The following NRG3 variants were observed in gnomAD, a reference collection of about 807,000 sequenced individuals.
NRG3 encodes neuregulin 3.
Under a neutral mutation model 66.9 loss-of-function variants are expected in NRG3, and 31 were observed. The ratio of observed to expected loss-of-function variants is 0.46; its 90% CI spans 0.35 to 0.63. The LOEUF (loss-of-function observed/expected upper bound fraction) is 0.63, where lower values mean the gene tolerates loss of function less well. Among genes scored for constraint, NRG3 ranks in the 20% least tolerant of loss-of-function variants. The pLI is 0.00. For synonymous variants in NRG3, 393 were observed against 359.4 expected (o/e 1.09, Z -1.06); for missense variants, 910 against 878.9 (o/e 1.04, Z -0.45).
At chr10:82,537,068 A>G (rs1048920719) in intron 2 of NRG3, among the ~76,000 whole-genome samples, 1 of 151,944 alleles carries the variant, frequency 6.6e-6, no homozygotes, top group African/African-American at 2.4e-5. Flanking sequence ...AAATCTTCTG[A>G]GTTTCTGGTT....
intron 1 of NRG3, among the ~76,000 whole-genome samples, chr10:82,353,601 T>A (rs530812378): frequency 6.5e-4 from 99 of 152,228 alleles, no homozygotes; most frequent in African/African-American, 2.3e-3. Flanking sequence ...ATAAAAAAAA[T>A]AAGAAAACAC....
intron 1 of NRG3, among the ~76,000 whole-genome samples, chr10:82,022,180 C>T (rs573508978): frequency 2.6e-5 from 4 of 152,012 alleles, no homozygotes; most frequent in African/African-American, 7.2e-5. Context: ...CGTCAGGCCA[C>T]GGTGATTATA....
intron 2 of NRG3, among the ~76,000 whole-genome samples, chr10:82,709,860 C>CT (rs2056551654): frequency 6.6e-6 from 1 of 152,154 alleles, no homozygotes; most frequent in South Asian, 2.1e-4. Flanking sequence ...TAACTCACTG[C>CT]TTTGTTTTTC....
At chr10:82,042,530 C>T (rs1330211899) in intron 1 of NRG3, among the ~76,000 whole-genome samples, 1 of 151,828 alleles carries the variant, frequency 6.6e-6, no homozygotes, top group East Asian at 1.9e-4. Context: ...TGTATTTTTC[C>T]CCACTATTTG....
intron 1 of NRG3, among the ~76,000 whole-genome samples, chr10:82,227,453 T>C (rs1627508): frequency 0.1 from 15,183 of 152,076 alleles, 820 homozygotes; most frequent in Middle Eastern, 0.18. Flanking sequence ...TGGGTTTGAT[T>C]AAGGGAAAAA....
At chr10:82,152,861 TTC>T (rs2070875154) in intron 1 of NRG3, among the ~76,000 whole-genome samples, 1 of 151,676 alleles carries the variant, frequency 6.6e-6, no homozygotes, top group South Asian at 2.1e-4. Flanking sequence ...TTTCTTTTCT[TTC>T]TTTTTCTTTT....
chr10:82,083,205 G>A (rs2065496957), intron 1 of NRG3, among the ~76,000 whole-genome samples: 1 of 152,010 alleles, frequency 6.6e-6, no homozygotes, highest in African/African-American at 2.4e-5. Flanking sequence ...AGTCTTTGAA[G>A]AGTGTTTGGC....
chr10:82,112,294 G>A (rs935388798), intron 1 of NRG3, among the ~76,000 whole-genome samples: 4 of 151,978 alleles, frequency 2.6e-5, no homozygotes, highest in African/African-American at 4.8e-5. Context: ...TTCTGTTTTC[G>A]CTTATTATTA....
rs577213310 is a variant in NRG3, at chr10:82,676,767, C to A, written c.954-61810C>A. On this transcript the variant is annotated intron_variant, in intron 2 of 8. Coordinates refer to ENST00000372141, the MANE Select transcript of NRG3 (RefSeq NM_001010848.4). Reference sequence around the variant, plus strand: ...CAAAGTGCTGGATTACAGGCCGGAGCCATGGCGCCCAGCCTCTATTTGTTA... The same window carrying A: ...CAAAGTGCTGGATTACAGGCCGGAGACATGGCGCCCAGCCTCTATTTGTTA... 1.3e-3 allele frequency among the ~76,000 whole-genome samples: 203 copies of A among 152,226 alleles called. 1 individual carries two copies. Among genetic ancestry groups the A allele is most frequent in the African/African-American group, 4.8e-3 (200 of 41,558 alleles).
chr10:82,727,803 C>A (rs1008898841), intron 2 of NRG3, among the ~76,000 whole-genome samples: 1 of 152,140 alleles, frequency 6.6e-6, no homozygotes, highest in Non-Finnish European at 1.5e-5. Flanking sequence ...CACTCAATGG[C>A]AGCCCAAGAA....
At chr10:82,898,719 T>TC (rs1843908402) in intron 4 of NRG3, among the ~76,000 whole-genome samples, 1 of 124,222 alleles carries the variant, frequency 8.1e-6, no homozygotes, top group African/African-American at 3.3e-5. Context: ...TTTTACCTTT[T>TC]TTTTTTTTTT....
At chr10:82,306,782 T>C (rs1186879320) in intron 1 of NRG3, among the ~76,000 whole-genome samples, 16 of 151,244 alleles carry the variant, frequency 1.1e-4, no homozygotes, top group African/African-American at 3.9e-4. Context: ...TATTGCTTTT[T>C]TTGATGGGAC....
intron 4 of NRG3, among the ~76,000 whole-genome samples, chr10:82,866,576 G>A (rs1456435189): frequency 2.6e-5 from 4 of 152,062 alleles, no homozygotes; most frequent in African/African-American, 7.2e-5. Context: ...GCAGGCTTGC[G>A]GTTTTGTTGG....
intron 1 of NRG3, among the ~76,000 whole-genome samples, chr10:81,928,027 A>T (rs890773645): frequency 1.3e-5 from 2 of 152,190 alleles, no homozygotes; most frequent in Non-Finnish European, 2.9e-5. Context: ...GTTGTCACCA[A>T]ATCAATACAT....
chr10:82,313,551 C>G (rs2081142940), intron 1 of NRG3, among the ~76,000 whole-genome samples: 1 of 152,002 alleles, frequency 6.6e-6, no homozygotes, highest in Non-Finnish European at 1.5e-5. Context: ...TGACCCTACC[C>G]AGGACACCAG....
At chr10:82,380,957 G>C (rs572991647) in intron 2 of NRG3, among the ~76,000 whole-genome samples, 1 of 152,224 alleles carries the variant, frequency 6.6e-6, no homozygotes, top group South Asian at 2.1e-4. Flanking sequence ...ATCCAGCAAT[G>C]CTAATACCTA....
chr10:82,179,695 C>T (rs976403025), intron 1 of NRG3, among the ~76,000 whole-genome samples: 4 of 151,838 alleles, frequency 2.6e-5, no homozygotes, highest in African/African-American at 7.2e-5. Flanking sequence ...TGACATTCCT[C>T]TTCTTTTTCA....
intron 2 of NRG3, among the ~76,000 whole-genome samples, chr10:82,553,225 C>T (rs1466799356): frequency 6.6e-6 from 1 of 152,026 alleles, no homozygotes; most frequent in Non-Finnish European, 1.5e-5. Context: ...GTCTGATATT[C>T]TCTTGAAGTT....
chr10:82,351,502 A>G (rs2083436393), intron 1 of NRG3, among the ~76,000 whole-genome samples: 1 of 152,134 alleles, frequency 6.6e-6, no homozygotes, highest in Admixed American at 6.6e-5. Flanking sequence ...AGAAGATAGA[A>G]TCAGTCTGTT....
Sources: allele counts gnomAD v4.1 joint callset (sites outside exome capture counted in the v4.1 genomes callset), GRCh38; gene constraint gnomAD v4.1.1; transcripts MANE v1.5; gene names NCBI Gene and HGNC (gene_info 2026-07-23, HGNC 2026-07-21).